The following PBRM1 variants were observed in gnomAD, a reference collection of about 807,000 sequenced individuals.
PBRM1 encodes the protein protein polybromo-1.
PBRM1 carries 27 observed loss-of-function variants against 194.5 expected under a neutral mutation model. That is an observed-to-expected ratio of 0.14 (90% CI 0.10 to 0.19). The LOEUF (loss-of-function observed/expected upper bound fraction) is 0.19. PBRM1 is among the 10% of genes least tolerant of loss of function. The pLI is 1.00. For missense variants in PBRM1, 1,466 were observed against 2,077.2 expected (o/e 0.71, Z 5.72); for synonymous variants, 655 against 693.2 (o/e 0.94, Z 0.87).
intron 3 of PBRM1, among the ~76,000 whole-genome samples, chr3:52,667,746 C>A (rs1391296654): frequency 4.9e-4 from 42 of 85,520 alleles, no homozygotes; most frequent in African/African-American, 1.1e-3. Flanking sequence ...GACTTTGCCT[C>A]AAAAAAAAAA....
Position 52,609,866 on chromosome 3 carries a change from A to G in PBRM1, c.2014T>C (p.Tyr672His). 2 of 1,603,258 alleles carry G rather than the reference A, an allele frequency of 1.2e-6. No homozygotes were observed. The highest frequency in any genetic ancestry group is 1.7e-6 in the Non-Finnish European group (2 of 1,175,652). Reference sequence around the variant, plus strand: ...AGGCGGCGACCCCTCTTATCAGTATAGTTCTTTACAGCTTCATAGACCTCA... The same window carrying G: ...AGGCGGCGACCCCTCTTATCAGTATGGTTCTTTACAGCTTCATAGACCTCA... The change falls in exon 16 of 30, where the codon TAT becomes CAT. Residue 672 changes from tyrosine to histidine, a missense_variant. By Grantham distance (83) the Tyr-to-His change is moderately conservative. Coordinates refer to ENST00000296302, the Ensembl canonical transcript of PBRM1. This position sits in a 1 kb window ranked among gnomAD's most constrained non-coding sequence, Gnocchi z 4.1.
intron 22 of PBRM1, among the ~76,000 whole-genome samples, chr3:52,571,323 CAA>C (rs34396226): frequency 2.9e-4 from 26 of 88,338 alleles, no homozygotes; most frequent in Admixed American, 7.2e-4. Flanking sequence ...ACACTGTCTC[CAA>C]AAAAAAAAAA....
At chr3:52,652,760 T>A (rs956812549) in intron 5 of PBRM1, among the ~76,000 whole-genome samples, 3 of 151,440 alleles carry the variant, frequency 2.0e-5, no homozygotes, top group Non-Finnish European at 2.9e-5. Context: ...CACTTCGGGA[T>A]GCTGAGGCAG....
intron 2 of PBRM1, among the ~76,000 whole-genome samples, chr3:52,677,345 G>A (rs988888493): frequency 2.0e-5 from 3 of 150,982 alleles, no homozygotes; most frequent in African/African-American, 7.4e-5. Flanking sequence ...CCAGGTTCAA[G>A]CAATTCTCCT....
chr3:52,634,003 T>C (rs2095709019), intron 11 of PBRM1, among the ~76,000 whole-genome samples: 1 of 152,212 alleles, frequency 6.6e-6, no homozygotes, highest in African/African-American at 2.4e-5. Context: ...TTGCGGTTAA[T>C]GAATTCTCCA....
chr3:52,608,453 G>A (rs976079202), intron 16 of PBRM1, among the ~76,000 whole-genome samples: 6 of 152,140 alleles, frequency 3.9e-5, no homozygotes, highest in Non-Finnish European at 8.8e-5. Flanking sequence ...AGCAGCAAAT[G>A]TTACTATGTT....
intron 4 of PBRM1, 55 bp downstream of exon 5, chr3:52,662,078 G>A (rs1175815462): frequency 1.9e-6 from 3 of 1,570,786 alleles, no homozygotes; most frequent in Non-Finnish European, 2.6e-6. Context: ...CACAAGCAGG[G>A]GCCCTCTCTG....
chr3:52,664,649 G>A (rs901744781), intron 3 of PBRM1, among the ~76,000 whole-genome samples: 12 of 151,310 alleles, frequency 7.9e-5, no homozygotes, highest in South Asian at 4.2e-4. Flanking sequence ...CAGGAGAATC[G>A]CTTCAACCCA....
intron 5 of PBRM1, among the ~76,000 whole-genome samples, chr3:52,656,100 G>A (rs1163067725): frequency 6.6e-6 from 1 of 152,134 alleles, no homozygotes; most frequent in Admixed American, 6.5e-5. Flanking sequence ...GAATGCTGAG[G>A]CCATGAAAAT....
At chr3:52,578,296 A>G (rs1051979563) in intron 21 of PBRM1, among the ~76,000 whole-genome samples, 2 of 152,216 alleles carry the variant, frequency 1.3e-5, no homozygotes, top group Non-Finnish European at 2.9e-5. Flanking sequence ...TCTTCACACT[A>G]GAAAAAAGCT....
At chr3:52,616,271 GA>G (rs778961011) in intron 14 of PBRM1, among the ~76,000 whole-genome samples, 1 of 152,304 alleles carries the variant, frequency 6.6e-6, no homozygotes, top group Non-Finnish European at 1.5e-5. Context: ...TGTAATTGCA[GA>G]GGGAAACAAA....
exon 17 of PBRM1, chr3:52,603,630 T>G: frequency 1.2e-6 from 2 of 1,613,762 alleles, no homozygotes; most frequent in Non-Finnish European, 1.7e-6. Flanking sequence ...TATAGCTGAG[T>G]GCCGGTGAAA....
At chr3:52,550,787 A>G (rs1406912189) in exon 28 of PBRM1, 1 of 1,612,172 alleles carries the variant, frequency 6.2e-7, no homozygotes, top group African/African-American at 1.3e-5. Context: ...TGGAGTCCCT[A>G]CCATAGGGGC....
At chr3:52,546,956 TAATAAGGA>T (rs2079758978), downstream of PBRM1, 1 of 233,092 alleles carries the variant, frequency 4.3e-6, no homozygotes, top group African/African-American at 2.2e-5. Flanking sequence ...ATACATCTGA[TAATAAGGA>T]AATAAGGAAT....
chr3:52,673,860 G>T (rs1052687068), intron 2 of PBRM1, among the ~76,000 whole-genome samples: 9 of 151,344 alleles, frequency 5.9e-5, no homozygotes, highest in African/African-American at 1.9e-4. Context: ...AGACCAGCCT[G>T]GGCAACAAAG....
exon 18 of PBRM1, chr3:52,589,231 G>A (rs765579974): frequency 6.5e-7 from 1 of 1,545,828 alleles, no homozygotes. Context: ...TGCAGCACCA[G>A]AGGAATCTTC....
chr3:52,638,985 TTGGGGG>T (rs2095946954), intron 10 of PBRM1, among the ~76,000 whole-genome samples: 1 of 47,768 alleles, frequency 2.1e-5, no homozygotes, highest in African/African-American at 7.8e-5. Context: ...ACATTTTTTT[TTGGGGG>T]GGGGGGGCGG....
At chr3:52,585,486 T>A (rs183460877) in intron 20 of PBRM1, 1 of 152,346 alleles carries the variant, frequency 6.6e-6, no homozygotes, top group Non-Finnish European at 1.5e-5. Context: ...TTTTCAAATT[T>A]ATTAGCAGAA....
At chr3:52,604,573 G>T (rs1316773801) in intron 16 of PBRM1, among the ~76,000 whole-genome samples, 1 of 152,006 alleles carries the variant, frequency 6.6e-6, no homozygotes, top group Non-Finnish European at 1.5e-5. Flanking sequence ...CACACTTGCA[G>T]TCCTAGCTAT....
Sources: allele counts gnomAD v4.1 joint callset (sites outside exome capture counted in the v4.1 genomes callset), GRCh38; gene constraint gnomAD v4.1.1; non-coding constraint Gnocchi (gnomAD v3.1); transcripts MANE v1.5; gene names NCBI Gene and HGNC (gene_info 2026-07-23, HGNC 2026-07-21).